The following STXBP5 variants were observed in gnomAD, a reference collection of about 807,000 sequenced individuals.
STXBP5 encodes syntaxin binding protein 5, also known as syntaxin-binding protein 5.
STXBP5 carries 50 observed loss-of-function variants against 152.4 expected under a neutral mutation model. The ratio of observed to expected loss-of-function variants is 0.33; its 90% CI spans 0.26 to 0.42. The LOEUF is 0.42. Among genes scored for constraint, STXBP5 ranks in the 10% least tolerant of loss-of-function variants. The pLI is 1.00. For synonymous variants in STXBP5, 492 were observed against 494.7 expected, an observed-to-expected ratio of 0.99 and a Z score of 0.07; for missense variants, 1,167 against 1,388.6, an observed-to-expected ratio of 0.84 and a Z score of 2.54.
intron 6 of STXBP5, among the ~76,000 whole-genome samples, chr6:147,264,907 A>C (rs1301162933): frequency 4.6e-5 from 7 of 151,718 alleles, no homozygotes; most frequent in Non-Finnish European, 7.4e-5. Flanking sequence ...AGAGAGGTTA[A>C]AGTTTAACCC....
intron 16 of STXBP5, among the ~76,000 whole-genome samples, chr6:147,324,643 G>T (rs1783131099): frequency 6.6e-6 from 1 of 151,728 alleles, no homozygotes; most frequent in South Asian, 2.1e-4. Context: ...TCCTTGGACT[G>T]CCGCTTCTCC....
intron 2 of STXBP5, among the ~76,000 whole-genome samples, chr6:147,229,756 T>A (rs1316531147): frequency 6.6e-6 from 1 of 151,982 alleles, no homozygotes; most frequent in East Asian, 1.9e-4. Context: ...CCAGTTTTTT[T>A]TAGTGGATTT....
chr6:147,268,280 C>A (rs916515692), intron 7 of STXBP5, among the ~76,000 whole-genome samples: 4 of 152,254 alleles, frequency 2.6e-5, no homozygotes, highest in Middle Eastern at 3.4e-3. Context: ...ACTATGACTT[C>A]TTTCAGTGCC....
chr6:147,375,827 A>G (rs1785785504), intron 26 of STXBP5, among the ~76,000 whole-genome samples: 1 of 152,020 alleles, frequency 6.6e-6, no homozygotes, highest in Non-Finnish European at 1.5e-5. Flanking sequence ...TTTTTAACAA[A>G]TAGAGACTGA....
chr6:147,326,458 GGAACTGA>G (rs1783262837), intron 17 of STXBP5, among the ~76,000 whole-genome samples: 1 of 152,124 alleles, frequency 6.6e-6, no homozygotes, highest in African/African-American at 2.4e-5. Flanking sequence ...AGCTTCATCT[GGAACTGA>G]GTTGAAGCTT....
At chr6:147,227,655 TTGTAAA>T (rs1014159226) in intron 2 of STXBP5, among the ~76,000 whole-genome samples, 8 of 152,198 alleles carry the variant, frequency 5.3e-5, no homozygotes, top group African/African-American at 1.4e-4. Context: ...GCTCCCCACT[TTGTAAA>T]TGAGAAAGTT....
intron 4 of STXBP5, among the ~76,000 whole-genome samples, chr6:147,247,633 CTT>C (rs1485343868): frequency 1.3e-5 from 2 of 152,150 alleles, no homozygotes; most frequent in Non-Finnish European, 2.9e-5. Flanking sequence ...TAAGGAGTCT[CTT>C]TGAATACCTC....
At chr6:147,312,554 A>T (rs769522736) in intron 11 of STXBP5, among the ~76,000 whole-genome samples, 34 of 152,170 alleles carry the variant, frequency 2.2e-4, no homozygotes, top group Non-Finnish European at 4.7e-4. Context: ...TGCGACTGGC[A>T]TCTAGTGGGT....
Position 147,364,063 on chromosome 6 carries a change from C to T in STXBP5, c.2978C>T (p.Ala993Val). The T allele has an allele frequency of 6.2e-7, 1 of 1,613,962 alleles. No homozygotes were observed. Among genetic ancestry groups the T allele is most frequent in the Non-Finnish European group, 8.5e-7 (1 of 1,179,966 alleles). ...TTGCCCCTTACCAATATGCGGATAG[C>T]CAGAACGTTCTGCTTTACCAACAAT... is the stretch of plus-strand genomic sequence containing the variant. ...YYLPLTNMRI[A>V]RTFCFTNNGQ... The change falls in exon 25 of 28, where the codon GCC becomes GTC. Residue 993 changes from alanine (A) to valine (V), a missense_variant. By Grantham distance (64) the Ala-to-Val change is moderately conservative. Around this residue, in one of 3 missense-constraint regions of STXBP5, gnomAD observed 833 missense variants for 986.3 expected, o/e 0.84. Coordinates refer to ENST00000321680, the MANE Select transcript of STXBP5 (RefSeq NM_001127715.4).
chr6:147,254,046 A>G (rs937849504), intron 4 of STXBP5, among the ~76,000 whole-genome samples: 7 of 152,216 alleles, frequency 4.6e-5, no homozygotes, highest in African/African-American at 1.7e-4. Context: ...AAACTATTCT[A>G]CAAGGCTAGA....
intron 2 of STXBP5, among the ~76,000 whole-genome samples, chr6:147,219,799 G>GTTTTTTTTTT (rs35444906): frequency 2.3e-5 from 2 of 86,104 alleles, no homozygotes; most frequent in Non-Finnish European, 4.6e-5. Context: ...CTAGAAGCTT[G>GTTTTTTTTTT]TTTTTTTTTT....
At chr6:147,380,676 A>T (rs1786042290) in intron 26 of STXBP5, among the ~76,000 whole-genome samples, 1 of 152,134 alleles carries the variant, frequency 6.6e-6, no homozygotes, top group Non-Finnish European at 1.5e-5. Context: ...AATTTATCAA[A>T]ATTTAAAACA....
chr6:147,244,270 A>T (rs1396577232), intron 4 of STXBP5, among the ~76,000 whole-genome samples: 2 of 152,150 alleles, frequency 1.3e-5, no homozygotes, highest in African/African-American at 2.4e-5. Context: ...TCCCTCACAG[A>T]TATGGAGGGA....
rs755704770 is a variant in STXBP5, at chr6:147,359,105, G to A, written c.2327G>A (p.Ser776Asn). The change falls in exon 23 of 28, where the codon AGC (serine) becomes AAC (asparagine). Residue 776 changes from serine (S) to asparagine (N), a missense_variant. Physicochemically the swap from Ser to Asn is conservative, Grantham distance 46. This residue lies in a region of STXBP5 where 833 missense variants were observed against 986.3 expected (regional missense o/e 0.84). Transcript: ENST00000321680. ...PDLDVKDNSF[S>N]RSRSSSVTSI... ...TCAGATGTAAAGGATAACTCCTTTA[G>A]CCGATCACGGAGTTCAAGTGTAACA... is the stretch of plus-strand genomic sequence containing the variant. 6.2e-7 allele frequency: 1 copy of A among 1,613,824 alleles called. No individual in the cohort carries two copies.
At chr6:147,244,767 C>T (rs577154214) in intron 4 of STXBP5, among the ~76,000 whole-genome samples, 21 of 152,218 alleles carry the variant, frequency 1.4e-4, no homozygotes, top group South Asian at 1.2e-3. Context: ...GGTTTTCCTT[C>T]AACACTTTGA....
chr6:147,326,761 C>T (rs751429214), intron 17 of STXBP5, among the ~76,000 whole-genome samples: 1 of 152,160 alleles, frequency 6.6e-6, no homozygotes, highest in Non-Finnish European at 1.5e-5. Flanking sequence ...CTCCTACTTT[C>T]CTAATAGAAG....
chr6:147,302,864 T>C (rs1781894012), intron 9 of STXBP5, among the ~76,000 whole-genome samples: 1 of 152,204 alleles, frequency 6.6e-6, no homozygotes, highest in African/African-American at 2.4e-5. Flanking sequence ...ATTATGTCTT[T>C]ATTGATTTTT....
intron 9 of STXBP5, among the ~76,000 whole-genome samples, chr6:147,291,764 T>C (rs891917342): frequency 2.6e-5 from 4 of 152,122 alleles, no homozygotes; most frequent in Admixed American, 2.6e-4. Context: ...AAACATAAAA[T>C]ATCTGTGAAG....
chr6:147,351,346 A>T (rs537402562), intron 21 of STXBP5, among the ~76,000 whole-genome samples: 44 of 152,342 alleles, frequency 2.9e-4, no homozygotes, highest in African/African-American at 9.4e-4. Flanking sequence ...CATCCATATC[A>T]TATGATTTTT....
Sources: gnomAD v4.1 joint callset for allele counts (sites outside exome capture counted in the v4.1 genomes callset) on GRCh38, gnomAD v4.1.1 for gene constraint, gnomAD v4.1.1 regional missense constraint, MANE v1.5 for transcripts, NCBI Gene and HGNC (gene_info 2026-07-23, HGNC 2026-07-21) for gene names.